The following C8orf34 variants were observed in gnomAD, a reference collection of about 807,000 sequenced individuals.
C8orf34 encodes uncharacterized protein C8orf34.
A neutral mutation model predicts 68.3 loss-of-function variants in C8orf34; 65 were observed. The observed-to-expected ratio is 0.95, with a 90% CI of 0.78 to 1.17. The LOEUF (loss-of-function observed/expected upper bound fraction) is 1.17, where lower values mean the gene tolerates loss of function less well. Among genes scored for constraint, C8orf34 ranks in the 50% most tolerant of loss-of-function variants. C8orf34 has a pLI of 0.00. For synonymous variants in C8orf34, 244 were observed against 241.2 expected, an observed-to-expected ratio of 1.01 and a Z score of -0.11; for missense variants, 664 against 655.4, an observed-to-expected ratio of 1.01 and a Z score of -0.14.
chr8:68,808,277 T>G (rs1319996987), intron 12 of C8orf34, among the ~76,000 whole-genome samples: 1 of 152,192 alleles, frequency 6.6e-6, no homozygotes, highest in African/African-American at 2.4e-5. Context: ...GATAGGGATT[T>G]TTACACTCTA....
At chr8:68,402,382 A>G (rs1487947896) in intron 1 of C8orf34, among the ~76,000 whole-genome samples, 1 of 151,474 alleles carries the variant, frequency 6.6e-6, no homozygotes, top group South Asian at 2.1e-4. Context: ...GATCCTTTGT[A>G]TTGTTTTTTC....
At chr8:68,519,141 G>C (rs1814645033) in intron 5 of C8orf34, among the ~76,000 whole-genome samples, 1 of 152,170 alleles carries the variant, frequency 6.6e-6, no homozygotes, top group Non-Finnish European at 1.5e-5. Context: ...ACTGTTCGAA[G>C]TATCAGATTC....
At chr8:68,364,835 AC>A (rs1300451941) in intron 1 of C8orf34, among the ~76,000 whole-genome samples, 2 of 151,900 alleles carry the variant, frequency 1.3e-5, no homozygotes, top group African/African-American at 4.8e-5. Context: ...AATTAAAAGA[AC>A]TAGAAAAGCA....
intron 7 of C8orf34, among the ~76,000 whole-genome samples, chr8:68,604,658 T>G (rs1483037354): frequency 6.6e-6 from 1 of 152,102 alleles, no homozygotes; most frequent in Non-Finnish European, 1.5e-5. Flanking sequence ...CATCCTCATT[T>G]AAAAATAATA....
chr8:68,628,557 A>G (rs1464137267), intron 7 of C8orf34, among the ~76,000 whole-genome samples: 1 of 152,130 alleles, frequency 6.6e-6, no homozygotes, highest in South Asian at 2.1e-4. Flanking sequence ...TTAATAATTC[A>G]CTCAGAATAT....
At chr8:68,582,653 A>G (rs1417703927) in intron 7 of C8orf34, among the ~76,000 whole-genome samples, 1 of 152,044 alleles carries the variant, frequency 6.6e-6, no homozygotes, top group East Asian at 1.9e-4. Flanking sequence ...AGTTCAAAGT[A>G]CTCAGTATAC....
chr8:68,562,924 A>G (rs6989387), intron 7 of C8orf34, among the ~76,000 whole-genome samples: 32,253 of 152,168 alleles, frequency 0.21, 4,456 homozygotes, highest in African/African-American at 0.4. Flanking sequence ...ATTTCTATTC[A>G]TACCTTAACC....
chr8:68,343,480 G>C (rs752377483), intron 1 of C8orf34, among the ~76,000 whole-genome samples: 1 of 152,098 alleles, frequency 6.6e-6, no homozygotes, highest in Non-Finnish European at 1.5e-5. Context: ...TTGGAGTGCA[G>C]TGGCATGATC....
Position 68,708,937 on chromosome 8 carries a change from T to A in C8orf34, c.1242-57T>A. ...AGCCATGTCCCCCATGGTGCATAGT[T>A]CACATTTCACAATTTAACATTATGA... On this transcript the variant is annotated intron_variant, in intron 8 of 13. Transcript: ENST00000518698. The A allele has an allele frequency of 2.4e-6, 3 of 1,272,728 alleles. No individual in the cohort carries two copies. The South Asian group carries it at 3.8e-5, about 16-fold the overall frequency. 78.8% of individuals were successfully genotyped at this position (1,272,728 alleles called of 1,614,324 possible).
At chr8:68,730,965 C>T (rs539913847) in intron 10 of C8orf34, among the ~76,000 whole-genome samples, 30 of 152,108 alleles carry the variant, frequency 2.0e-4, no homozygotes, top group Non-Finnish European at 4.1e-4. Flanking sequence ...GTGATTGTCA[C>T]CTCCTGCAAA....
intron 8 of C8orf34, among the ~76,000 whole-genome samples, chr8:68,690,483 C>G (rs1296213622): frequency 1.3e-5 from 2 of 151,854 alleles, no homozygotes; most frequent in Non-Finnish European, 2.9e-5. Context: ...TTGGAGAGTC[C>G]AAAATCAAGG....
chr8:68,594,770 T>G (rs1290838157), intron 7 of C8orf34, among the ~76,000 whole-genome samples: 9 of 152,146 alleles, frequency 5.9e-5, no homozygotes, highest in Admixed American at 5.9e-4. Flanking sequence ...AACAGTGAAC[T>G]TAACCCATGT....
Position 68,405,655 on chromosome 8 carries a change from T to C in C8orf34, c.328-33844T>C, listed in dbSNP as rs530435119. 1.7e-3 allele frequency among the ~76,000 whole-genome samples: 261 copies of C among 152,316 alleles called. 2 individuals carry two copies. Among genetic ancestry groups the C allele is most frequent in the Non-Finnish European group, 3.1e-3 (212 of 68,034 alleles). ...TTATTTTCCTCTTCCTGGTAAACAA[T>C]GCCTGTGTCAGACATACAGAAGAAC... On this transcript the variant is annotated intron_variant, in intron 1 of 13. Coordinates refer to ENST00000518698, the MANE Select transcript of C8orf34 (RefSeq NM_052958.4).
At chr8:68,439,347 A>G in intron 1 of C8orf34, 152 bp from the exon 2 acceptor site, 1 of 598,520 alleles carries the variant, frequency 1.7e-6, no homozygotes, top group South Asian at 2.8e-5. Context: ...AGTAACTTGT[A>G]GCCGTCTGAA....
chr8:68,685,358 A>T (rs1820483885), intron 8 of C8orf34, among the ~76,000 whole-genome samples: 1 of 152,144 alleles, frequency 6.6e-6, no homozygotes, highest in South Asian at 2.1e-4. Context: ...GAGATAAAGG[A>T]TGTAGAAATT....
At chr8:68,646,627 C>T (rs2196254) in intron 8 of C8orf34, among the ~76,000 whole-genome samples, 1,837 of 152,120 alleles carry the variant, frequency 0.012, 37 homozygotes, top group African/African-American at 0.043. Context: ...CTTCATTAGT[C>T]CCCCTTCCCC....
At chr8:68,668,070 T>C (rs1184362137) in intron 8 of C8orf34, among the ~76,000 whole-genome samples, 1 of 152,102 alleles carries the variant, frequency 6.6e-6, no homozygotes, top group Non-Finnish European at 1.5e-5. Flanking sequence ...TAGAAAATAA[T>C]ATAGATATTA....
chr8:68,697,149 G>T (rs1820858734), intron 8 of C8orf34, among the ~76,000 whole-genome samples: 2 of 151,130 alleles, frequency 1.3e-5, no homozygotes, highest in South Asian at 4.2e-4. Context: ...TTTTATATCG[G>T]GTATATTTTG....
At chr8:68,617,026 T>C (rs1208856360) in intron 7 of C8orf34, among the ~76,000 whole-genome samples, 7 of 152,112 alleles carry the variant, frequency 4.6e-5, no homozygotes, top group Non-Finnish European at 7.4e-5. Flanking sequence ...TGAATTGATC[T>C]CTTTACCATT....
Sources: allele counts gnomAD v4.1 joint callset (sites outside exome capture counted in the v4.1 genomes callset), GRCh38; gene constraint gnomAD v4.1.1; transcripts MANE v1.5; gene names NCBI Gene and HGNC (gene_info 2026-07-23, HGNC 2026-07-21).